SH3RF1: variants seen among roughly 807,000 people sequenced by gnomAD.
The protein encoded by SH3RF1 is SH3 domain containing ring finger 1, also known as E3 ubiquitin-protein ligase SH3RF1.
In SH3RF1, 32 loss-of-function variants were observed where a neutral mutation model predicts 74.0. The ratio of observed to expected loss-of-function variants is 0.43; its 90% CI spans 0.33 to 0.58. The LOEUF (loss-of-function observed/expected upper bound fraction) is 0.58. Among genes scored for constraint, SH3RF1 ranks in the 20% least tolerant of loss-of-function variants. SH3RF1 has a pLI of 0.05. For synonymous variants in SH3RF1, 396 were observed against 439.6 expected, an observed-to-expected ratio of 0.90 and a Z score of 1.24; for missense variants, 954 against 1,130.9, an observed-to-expected ratio of 0.84 and a Z score of 2.24.
At chr4:169,181,540 C>A (rs1296309330) in intron 2 of SH3RF1, among the ~76,000 whole-genome samples, 1 of 151,088 alleles carries the variant, frequency 6.6e-6, no homozygotes, top group African/African-American at 2.4e-5. Flanking sequence ...GGATTACAGG[C>A]GTGAGCCACC....
chr4:169,216,011 C>T (rs953077917), intron 2 of SH3RF1, among the ~76,000 whole-genome samples: 1 of 152,030 alleles, frequency 6.6e-6, no homozygotes, highest in African/African-American at 2.4e-5. Context: ...GTCCTGTTGC[C>T]CAGGCTGGTC....
intron 6 of SH3RF1, 83 bp downstream of exon 6, chr4:169,129,963 G>A (rs1460114726): frequency 2.0e-6 from 2 of 989,580 alleles, no homozygotes; most frequent in African/African-American, 3.2e-5. Flanking sequence ...AACATACGCT[G>A]CAGGTGTTAG....
Position 169,096,518 on chromosome 4 carries a change from C to G in SH3RF1, c.*1G>C, listed in dbSNP as rs3749572. ...TTTAAGCTTCTTCAGTGTCAGTCTC[C>G]TCATATGTTTTCCACAAAGCTTCCT... On this transcript the variant is annotated 3_prime_UTR_variant, in exon 12 of 12. Transcript: ENST00000284637. 4 of 1,613,156 alleles carry G rather than the reference C, an allele frequency of 2.5e-6. No individual in the cohort carries two copies. The African/African-American group carries it at 5.3e-5, about 22-fold the overall frequency.
chr4:169,144,456 T>A (rs1426862892), intron 4 of SH3RF1, among the ~76,000 whole-genome samples: 1 of 152,166 alleles, frequency 6.6e-6, no homozygotes, highest in African/African-American at 2.4e-5. Flanking sequence ...TAATGGAGCC[T>A]TTTACTCACC....
At chr4:169,262,540 G>A (rs568423222) in intron 2 of SH3RF1, among the ~76,000 whole-genome samples, 4 of 152,186 alleles carry the variant, frequency 2.6e-5, no homozygotes, top group Admixed American at 6.5e-5. Context: ...GGCGGTAGGC[G>A]CCTGTAATCC....
chr4:169,161,269 A>G (rs1261412773), intron 2 of SH3RF1, among the ~76,000 whole-genome samples: 1 of 152,264 alleles, frequency 6.6e-6, no homozygotes, highest in Non-Finnish European at 1.5e-5. Flanking sequence ...TTCTGCATCT[A>G]AAAACATTTT....
chr4:169,252,393 T>G (rs1731120026), intron 2 of SH3RF1, among the ~76,000 whole-genome samples: 1 of 152,222 alleles, frequency 6.6e-6, no homozygotes, highest in Non-Finnish European at 1.5e-5. Flanking sequence ...ATATACAATA[T>G]TCCATAGGAT....
At chr4:169,173,902 T>C (rs1042077513) in intron 2 of SH3RF1, among the ~76,000 whole-genome samples, 1 of 152,098 alleles carries the variant, frequency 6.6e-6, no homozygotes, top group Non-Finnish European at 1.5e-5. Context: ...CCAAGTCTTT[T>C]AGAAAAATAA....
At chr4:169,214,455 C>T (rs1480829948) in intron 2 of SH3RF1, among the ~76,000 whole-genome samples, 3 of 152,166 alleles carry the variant, frequency 2.0e-5, no homozygotes, top group Non-Finnish European at 4.4e-5. Context: ...TGGACTAAAA[C>T]ATCCACAAAA....
chr4:169,101,185 A>G (rs1228491123), intron 11 of SH3RF1, among the ~76,000 whole-genome samples: 1 of 152,272 alleles, frequency 6.6e-6, no homozygotes, highest in Non-Finnish European at 1.5e-5. Context: ...AGGACTTAGC[A>G]TAGTACCTTT....
At chr4:169,156,158 G>T (rs1734046828) in intron 3 of SH3RF1, among the ~76,000 whole-genome samples, 2 of 152,080 alleles carry the variant, frequency 1.3e-5, no homozygotes. Flanking sequence ...AATAAATTCA[G>T]ACTCTAAATA....
intron 11 of SH3RF1, among the ~76,000 whole-genome samples, chr4:169,099,750 T>A (rs1322749852): frequency 6.6e-6 from 1 of 152,074 alleles, no homozygotes; most frequent in Non-Finnish European, 1.5e-5. Flanking sequence ...CAAAAAAAAA[T>A]TTTGAACTAG....
intron 3 of SH3RF1, 34 bp downstream of exon 3, chr4:169,156,370 T>C (rs904770930): frequency 3.3e-6 from 5 of 1,525,240 alleles, no homozygotes; most frequent in African/African-American, 1.4e-5. Context: ...GAGGTAGAGC[T>C]GGCAAACAGA....
chr4:169,163,063 G>C (rs1023087817), intron 2 of SH3RF1, among the ~76,000 whole-genome samples: 2 of 150,848 alleles, frequency 1.3e-5, no homozygotes, highest in African/African-American at 4.9e-5. Flanking sequence ...GCTGTTTTGC[G>C]GGGGGCATTA....
chr4:169,248,543 G>A (rs551171023), intron 2 of SH3RF1, among the ~76,000 whole-genome samples: 2 of 152,260 alleles, frequency 1.3e-5, no homozygotes, highest in East Asian at 1.9e-4. Flanking sequence ...TGCACGCCAG[G>A]CTTAAAATCT....
At chr4:169,119,092 T>TA (rs745765925) in intron 8 of SH3RF1, among the ~76,000 whole-genome samples, 2 of 151,994 alleles carry the variant, frequency 1.3e-5, no homozygotes, top group Non-Finnish European at 2.9e-5. Flanking sequence ...CCTCTAGAGT[T>TA]AAACAAACAG....
Position 169,218,496 on chromosome 4 carries a change from T to C in SH3RF1, c.393+50324A>G, listed in dbSNP as rs1730504635. Among the ~76,000 whole-genome samples the C allele has an allele frequency of 2.1e-5, 3 of 145,784 alleles. No homozygotes were observed. In the Admixed American group the frequency reaches 2.1e-4, roughly 10 times the overall value. On this transcript the variant is annotated intron_variant, in intron 2 of 11. Coordinates refer to ENST00000284637, the MANE Select transcript of SH3RF1 (RefSeq NM_020870.4). ...AATATATTATATATTTTATATATAGTATATATATATTTGCCCCCAAAACAA... is the reference window on the plus strand; with the variant it reads ...AATATATTATATATTTTATATATAGCATATATATATTTGCCCCCAAAACAA...
At chr4:169,252,964 T>A (rs1410448467) in intron 2 of SH3RF1, among the ~76,000 whole-genome samples, 1 of 152,010 alleles carries the variant, frequency 6.6e-6, no homozygotes, top group Non-Finnish European at 1.5e-5. Context: ...CCTGATACCA[T>A]GAAACTGGAT....
chr4:169,135,756 G>A (rs1460843745), intron 5 of SH3RF1, among the ~76,000 whole-genome samples: 4 of 152,126 alleles, frequency 2.6e-5, no homozygotes, highest in African/African-American at 9.7e-5. Flanking sequence ...AATAACGCGT[G>A]GCTATTTTTT....
Sources: gnomAD v4.1 joint callset for allele counts (sites outside exome capture counted in the v4.1 genomes callset) on GRCh38, gnomAD v4.1.1 for gene constraint, MANE v1.5 for transcripts, NCBI Gene and HGNC (gene_info 2026-07-23, HGNC 2026-07-21) for gene names.